Variants in ADAM22 observed in about 807,000 individuals in gnomAD.
The protein encoded by ADAM22 is ADAM metallopeptidase domain 22, also known as disintegrin and metalloproteinase domain-containing protein 22.
In ADAM22, 65 loss-of-function variants were observed where a neutral mutation model predicts 144.6. The ratio of observed to expected loss-of-function variants is 0.45; its 90% CI spans 0.37 to 0.55. The LOEUF (loss-of-function observed/expected upper bound fraction) is 0.55, where lower values mean the gene tolerates loss of function less well. Ranked by LOEUF, ADAM22 falls within the 20% of genes least tolerant of loss-of-function variation. ADAM22 has a pLI of 0.00. For missense variants in ADAM22, 974 were observed against 1,184.9 expected (o/e 0.82, Z 2.61); for synonymous variants, 391 against 412.6 (o/e 0.95, Z 0.63).
intron 3 of ADAM22, among the ~76,000 whole-genome samples, chr7:88,032,300 T>C (rs997433541): frequency 6.6e-6 from 1 of 152,216 alleles, no homozygotes; most frequent in African/African-American, 2.4e-5. Flanking sequence ...GGGAGCCCAC[T>C]TTTTGCATCA....
chr7:87,989,510 C>T (rs372246538), intron 3 of ADAM22, among the ~76,000 whole-genome samples: 4 of 152,232 alleles, frequency 2.6e-5, no homozygotes, highest in East Asian at 3.9e-4. Context: ...AGTGATTCTC[C>T]CCTGTATAGT....
At chr7:88,013,604 T>A (rs908555039) in intron 3 of ADAM22, among the ~76,000 whole-genome samples, 3 of 152,030 alleles carry the variant, frequency 2.0e-5, no homozygotes, top group Non-Finnish European at 4.4e-5. Flanking sequence ...TTTTTATTTT[T>A]ATTTTATGTA....
At chr7:88,135,589 G>A (rs1343266424) in intron 13 of ADAM22, among the ~76,000 whole-genome samples, 2 of 152,164 alleles carry the variant, frequency 1.3e-5, no homozygotes, top group Non-Finnish European at 2.9e-5. Context: ...GGTGTGTGCA[G>A]AGACTTTCAA....
At chr7:88,107,650 A>G (rs1266524899) in intron 4 of ADAM22, among the ~76,000 whole-genome samples, 1 of 152,122 alleles carries the variant, frequency 6.6e-6, no homozygotes, top group African/African-American at 2.4e-5. Context: ...CAGTAGCACA[A>G]TCACAGCTCA....
At chr7:88,032,546 T>C (rs771505289) in intron 3 of ADAM22, among the ~76,000 whole-genome samples, 73 of 152,190 alleles carry the variant, frequency 4.8e-4, no homozygotes, top group Non-Finnish European at 9.0e-4. Flanking sequence ...ACTTTGGACT[T>C]GGACTTTTGA....
At chr7:88,039,301 G>A (rs1001506688) in intron 3 of ADAM22, among the ~76,000 whole-genome samples, 9 of 150,310 alleles carry the variant, frequency 6.0e-5, no homozygotes, top group Non-Finnish European at 1.2e-4. Flanking sequence ...AAATTAGCCA[G>A]ACATGGTGGC....
chr7:87,953,618 G>C (rs1387037328), intron 2 of ADAM22, among the ~76,000 whole-genome samples: 1 of 152,200 alleles, frequency 6.6e-6, no homozygotes, highest in Non-Finnish European at 1.5e-5. Flanking sequence ...TGTATGTTCT[G>C]TTGATTTGGG....
intron 2 of ADAM22, among the ~76,000 whole-genome samples, chr7:87,971,123 T>G (rs1850346855): frequency 6.6e-6 from 1 of 152,206 alleles, no homozygotes. Flanking sequence ...CAAATTGGCC[T>G]TAGGACATGT....
At chr7:87,988,245 G>C (rs1308630760) in intron 3 of ADAM22, among the ~76,000 whole-genome samples, 1 of 152,166 alleles carries the variant, frequency 6.6e-6, no homozygotes, top group Non-Finnish European at 1.5e-5. Flanking sequence ...TAGCATCATG[G>C]TTTGATGTTA....
intron 4 of ADAM22, among the ~76,000 whole-genome samples, chr7:88,097,111 C>G (rs1821534169): frequency 1.3e-5 from 2 of 151,008 alleles, no homozygotes; most frequent in African/African-American, 4.9e-5. Flanking sequence ...GCCTTACATG[C>G]TCTCTTGGAC....
At chr7:88,160,808 C>A (rs1436194526) in intron 22 of ADAM22, among the ~76,000 whole-genome samples, 1 of 152,064 alleles carries the variant, frequency 6.6e-6, no homozygotes, top group Non-Finnish European at 1.5e-5. Context: ...AGTTCATGTC[C>A]TTTGTAGGGA....
chr7:88,105,712 T>A (rs1824192853), intron 4 of ADAM22, among the ~76,000 whole-genome samples: 2 of 152,150 alleles, frequency 1.3e-5, no homozygotes. Context: ...CACATAAAGT[T>A]TTCATCCCTA....
intron 2 of ADAM22, among the ~76,000 whole-genome samples, chr7:87,956,250 G>A (rs1381927713): frequency 3.9e-5 from 6 of 152,238 alleles, no homozygotes; most frequent in African/African-American, 1.4e-4. Flanking sequence ...GACCGGAGCT[G>A]TTCCTATTTG....
chr7:88,111,653 A>T (rs1002349527), intron 5 of ADAM22, among the ~76,000 whole-genome samples: 5 of 151,610 alleles, frequency 3.3e-5, no homozygotes, highest in Non-Finnish European at 7.4e-5. Flanking sequence ...CAACCTTTTG[A>T]AATTTTAGCT....
At chr7:88,038,021 A>G (rs544279026) in intron 3 of ADAM22, among the ~76,000 whole-genome samples, 12 of 152,308 alleles carry the variant, frequency 7.9e-5, no homozygotes, top group African/African-American at 2.9e-4. Flanking sequence ...CAGCCAGCAT[A>G]GAAATATTCA....
chr7:88,014,418 A>G (rs1406362473), intron 3 of ADAM22, among the ~76,000 whole-genome samples: 5 of 152,122 alleles, frequency 3.3e-5, no homozygotes, highest in Non-Finnish European at 5.9e-5. Flanking sequence ...GTAGGTGAGG[A>G]AGTTTTTTCA....
chr7:88,080,973 C>G (rs1002089165), intron 4 of ADAM22, among the ~76,000 whole-genome samples: 4 of 152,150 alleles, frequency 2.6e-5, no homozygotes, highest in Middle Eastern at 3.2e-3. Flanking sequence ...AAGAGGGAAT[C>G]CTCCCTAACT....
Position 88,201,421 on chromosome 7 carries a change from A to T in ADAM22, c.*4930A>T, listed in dbSNP as rs991713784. 16 of 152,276 alleles carry T rather than the reference A, an allele frequency of 1.1e-4. No homozygotes were observed. Among genetic ancestry groups the T allele is most frequent in the African/African-American group, 3.4e-4 (14 of 41,452 alleles). 9.4% of individuals were successfully genotyped at this position (152,276 alleles called of 1,614,324 possible). A position where few individuals can be genotyped will look rare whatever the true frequency, so the allele number is the denominator to read the frequency against. ...ACCATGGGGCATTTAGTCCTGGCAT[A>T]GACACAGAATGGATATTCACAGGAA... On this transcript the variant is annotated 3_prime_UTR_variant, in exon 32 of 32. Coordinates refer to ENST00000413139, the MANE Select transcript of ADAM22 (RefSeq NM_001324418.2).
intron 14 of ADAM22, among the ~76,000 whole-genome samples, chr7:88,139,845 T>C (rs190807561): frequency 6.6e-6 from 1 of 152,268 alleles, no homozygotes; most frequent in East Asian, 1.9e-4. Context: ...ATGCCAGAGC[T>C]CAATCTGATT....
Sources: gnomAD v4.1 joint callset for allele counts (sites outside exome capture counted in the v4.1 genomes callset) on GRCh38, gnomAD v4.1.1 for gene constraint, MANE v1.5 for transcripts, NCBI Gene and HGNC (gene_info 2026-07-23, HGNC 2026-07-21) for gene names.